AKT3: variants seen among roughly 807,000 people sequenced by gnomAD.
The protein encoded by AKT3 is RAC-gamma serine/threonine-protein kinase.
Under a neutral mutation model 65.3 loss-of-function variants are expected in AKT3, and 15 were observed. That is an observed-to-expected ratio of 0.23 (90% CI 0.15 to 0.35). AKT3 has a LOEUF of 0.35. Among genes scored for constraint, AKT3 ranks in the 10% least tolerant of loss-of-function variants. AKT3 has a pLI of 1.00. For missense variants in AKT3, 243 were observed against 576.5 expected, an observed-to-expected ratio of 0.42 and a Z score of 5.92; for synonymous variants, 206 against 183.8, an observed-to-expected ratio of 1.12 and a Z score of -0.98.
chr1:243,731,320 C>T (rs1414350159), intron 2 of AKT3, among the ~76,000 whole-genome samples: 1 of 152,070 alleles, frequency 6.6e-6, no homozygotes, highest in Non-Finnish European at 1.5e-5. Context: ...AATAATAAGG[C>T]AATAGAGAAC....
In AKT3 at chr1:243,785,910, G is replaced by A. The variant is rs1037476496; in HGVS notation, c.46+57215C>T. On this transcript the variant is annotated intron_variant, in intron 2 of 13. Transcript: ENST00000673466. ...CACAGCCTGAAAGGATAGGGTGTGT[G>A]ACAGGAAAGAAGACAAAGTGGAAAA... Among the ~76,000 whole-genome samples the A allele has an allele frequency of 9.2e-5, 14 of 152,268 alleles. 1 individual carries two copies. The highest frequency in any genetic ancestry group is 8.5e-4 in the Admixed American group (13 of 15,302).
chr1:243,747,088 C>A (rs1176077824), intron 2 of AKT3, among the ~76,000 whole-genome samples: 1 of 152,074 alleles, frequency 6.6e-6, no homozygotes, highest in Non-Finnish European at 1.5e-5. Context: ...GAAGCTATTT[C>A]AAGCAAACAA....
At chr1:243,550,188 T>G (rs1217022764) in intron 11 of AKT3, among the ~76,000 whole-genome samples, 1 of 152,344 alleles carries the variant, frequency 6.6e-6, no homozygotes, top group African/African-American at 2.4e-5. Context: ...AATTATTCTA[T>G]GAACATCTAG....
At chr1:243,836,581 A>C (rs951861956) in intron 2 of AKT3, among the ~76,000 whole-genome samples, 34 of 152,186 alleles carry the variant, frequency 2.2e-4, no homozygotes, top group Non-Finnish European at 4.7e-4. Flanking sequence ...CAGACAGACC[A>C]AATGATAAGA....
intron 2 of AKT3, among the ~76,000 whole-genome samples, chr1:243,801,346 C>CTA (rs1692369598): frequency 6.6e-6 from 1 of 152,158 alleles, no homozygotes; most frequent in East Asian, 1.9e-4. Flanking sequence ...TTCTTGTTCA[C>CTA]TACTTAAAAA....
chr1:243,549,850 C>G (rs1421714601), intron 11 of AKT3, among the ~76,000 whole-genome samples: 1 of 152,174 alleles, frequency 6.6e-6, no homozygotes, highest in African/African-American at 2.4e-5. Flanking sequence ...GCTTTAAACA[C>G]TTAAGCAGTA....
At chr1:243,782,208 C>A (rs528947223) in intron 2 of AKT3, among the ~76,000 whole-genome samples, 2 of 152,044 alleles carry the variant, frequency 1.3e-5, no homozygotes, top group African/African-American at 4.8e-5. Flanking sequence ...TAAGAGAGAT[C>A]AAAACTTGTA....
intron 4 of AKT3, among the ~76,000 whole-genome samples, chr1:243,659,213 T>C (rs1435067588): frequency 6.6e-6 from 1 of 152,140 alleles, no homozygotes; most frequent in East Asian, 1.9e-4. Flanking sequence ...GTGTCTAAAG[T>C]AGTCGAATTC....
rs550036618 is a variant in AKT3 at position 243,807,756 on chromosome 1, C to T, written c.46+35369G>A. Among the ~76,000 whole-genome samples the T allele has an allele frequency of 1.7e-3, 259 of 152,284 alleles. 2 individuals are homozygous for T. Among genetic ancestry groups the T allele is most frequent in the African/African-American group, 5.7e-3 (238 of 41,562 alleles). On this transcript the variant is annotated intron_variant, in intron 2 of 13. Coordinates refer to ENST00000673466, the MANE Select transcript of AKT3 (RefSeq NM_005465.7). Reference sequence around the variant, plus strand: ...CCTCCTCAAGTGGGTCCCTGACCCCCGAGTAGCCTAACTGGGAGGCAACCC... The same window carrying T: ...CCTCCTCAAGTGGGTCCCTGACCCCTGAGTAGCCTAACTGGGAGGCAACCC...
chr1:243,623,771 T>G (rs533480763), intron 6 of AKT3, among the ~76,000 whole-genome samples: 2 of 152,192 alleles, frequency 1.3e-5, no homozygotes, highest in Admixed American at 6.5e-5. Flanking sequence ...AGCTTCCAGA[T>G]GGCCTGTCTT....
chr1:243,784,875 C>T (rs1186790829), intron 2 of AKT3, among the ~76,000 whole-genome samples: 1 of 152,182 alleles, frequency 6.6e-6, no homozygotes, highest in East Asian at 1.9e-4. Flanking sequence ...ATCCTCCTAC[C>T]TCAGCCTCCC....
chr1:243,657,256 C>T (rs1681876535), intron 4 of AKT3, among the ~76,000 whole-genome samples: 1 of 152,128 alleles, frequency 6.6e-6, no homozygotes, highest in South Asian at 2.1e-4. Flanking sequence ...CCTCTCTAGA[C>T]ACTGAATTTG....
intron 3 of AKT3, among the ~76,000 whole-genome samples, chr1:243,693,358 G>T (rs1684850106): frequency 7.0e-6 from 1 of 143,770 alleles, no homozygotes; most frequent in Non-Finnish European, 1.5e-5. Context: ...TACTAAAGGG[G>T]GCTAGGGCAA....
In AKT3 at chr1:243,731,659, A is replaced by C. The variant is rs771009397; in HGVS notation, c.47-35943T>G. Among the ~76,000 whole-genome samples the C allele has an allele frequency of 2.0e-5, 3 of 152,248 alleles. No homozygotes were observed. The East Asian group carries it at 5.8e-4, about 29-fold the overall frequency. On this transcript the variant is annotated intron_variant, in intron 2 of 13. Coordinates refer to ENST00000673466, the MANE Select transcript of AKT3 (RefSeq NM_005465.7). ...GTGACGCACTGAAAGATCTCAGTTC[A>C]TGGAATGATCACATTTGTAAACTAA...
intron 3 of AKT3, among the ~76,000 whole-genome samples, chr1:243,672,551 A>C (rs1558704926): frequency 6.6e-6 from 1 of 152,204 alleles, no homozygotes; most frequent in Admixed American, 6.5e-5. Flanking sequence ...GTCAGACTGG[A>C]TTACTAACAT....
chr1:243,849,920 A>T, intron 1 of AKT3, 120 bp downstream of exon 1: 1 of 741,926 alleles, frequency 1.3e-6, no homozygotes, highest in Non-Finnish European at 1.6e-6. Flanking sequence ...CCCCCGCCTC[A>T]CCCCACCCCG....
Position 243,833,709 on chromosome 1 carries a change from T to TA in AKT3, c.46+9415dup, listed in dbSNP as rs59696746. Among the ~76,000 whole-genome samples, 816 of 151,404 alleles carry TA rather than the reference T, an allele frequency of 5.4e-3. 7 individuals are homozygous for TA. Among genetic ancestry groups the TA allele is most frequent in the African/African-American group, 0.017 (690 of 41,266 alleles). ...AAATGAAATGACATATTTAAAATGATAAAAAAACCACAATTATCAAATTAG... is the reference window on the plus strand; with the variant it reads ...AAATGAAATGACATATTTAAAATGATAAAAAAAACCACAATTATCAAATTAG... On this transcript the variant is annotated intron_variant, in intron 2 of 13. Coordinates refer to ENST00000673466, the MANE Select transcript of AKT3 (RefSeq NM_005465.7).
chr1:243,542,513 A>C (rs1672389971), intron 12 of AKT3, among the ~76,000 whole-genome samples: 1 of 152,248 alleles, frequency 6.6e-6, no homozygotes, highest in Admixed American at 6.5e-5. Flanking sequence ...CAATAAGTAG[A>C]AAAATAACCA....
chr1:243,658,208 G>A (rs1024420394), intron 4 of AKT3, among the ~76,000 whole-genome samples: 1 of 152,250 alleles, frequency 6.6e-6, no homozygotes, highest in Middle Eastern at 3.4e-3. Context: ...TGTCTGATAA[G>A]GGCTTAATAT....
Sources: allele counts gnomAD v4.1 joint callset (sites outside exome capture counted in the v4.1 genomes callset), GRCh38; gene constraint gnomAD v4.1.1; transcripts MANE v1.5; gene names NCBI Gene and HGNC (gene_info 2026-07-23, HGNC 2026-07-21).